The following MAGI1 variants were observed in gnomAD, a reference collection of about 807,000 sequenced individuals.
The protein encoded by MAGI1 is membrane associated guanylate kinase, WW and PDZ domain containing 1.
A neutral mutation model predicts 139.9 loss-of-function variants in MAGI1; 58 were observed. The ratio of observed to expected loss-of-function variants is 0.41; its 90% CI spans 0.34 to 0.52. The LOEUF is 0.52. MAGI1 is among the 20% of genes least tolerant of loss of function. MAGI1 has a pLI of 0.12. For missense variants in MAGI1, 1,874 were observed against 1,901.6 expected (o/e 0.99, Z 0.27); for synonymous variants, 812 against 737.9 (o/e 1.10, Z -1.63).
At chr3:65,851,202 G>C (rs2059190581) in intron 1 of MAGI1, among the ~76,000 whole-genome samples, 1 of 152,132 alleles carries the variant, frequency 6.6e-6, no homozygotes, top group Non-Finnish European at 1.5e-5. Context: ...TTGACTAAAT[G>C]AGTAATTAAA....
chr3:65,937,438 T>C (rs1188938780), intron 1 of MAGI1, among the ~76,000 whole-genome samples: 1 of 152,020 alleles, frequency 6.6e-6, no homozygotes, highest in Non-Finnish European at 1.5e-5. Context: ...GAAGTCAGGT[T>C]TTTCCTGGAG....
intron 3 of MAGI1, among the ~76,000 whole-genome samples, chr3:65,490,898 G>T (rs1308375035): frequency 6.7e-6 from 1 of 149,884 alleles, no homozygotes; most frequent in East Asian, 2.0e-4. Context: ...CATATGGTAA[G>T]GAAATTTCGC....
chr3:65,681,974 T>C (rs2087621185), intron 1 of MAGI1, among the ~76,000 whole-genome samples: 2 of 152,170 alleles, frequency 1.3e-5, no homozygotes, highest in African/African-American at 2.4e-5. Flanking sequence ...TAGCTAGGAT[T>C]ACACACACAT....
chr3:65,603,803 G>C (rs971533747), intron 2 of MAGI1, among the ~76,000 whole-genome samples: 1 of 152,164 alleles, frequency 6.6e-6, no homozygotes, highest in African/African-American at 2.4e-5. Context: ...TTGAGGGCCT[G>C]GTCTCTCCTT....
intron 3 of MAGI1, among the ~76,000 whole-genome samples, chr3:65,482,671 T>A (rs1012408410): frequency 3.0e-4 from 45 of 152,246 alleles, no homozygotes; most frequent in African/African-American, 1.1e-3. Flanking sequence ...TTATTTCCCG[T>A]ACTGAAACCT....
At chr3:65,684,904 G>A (rs2087895832) in intron 1 of MAGI1, among the ~76,000 whole-genome samples, 1 of 116,570 alleles carries the variant, frequency 8.6e-6, no homozygotes, top group Admixed American at 9.5e-5. Flanking sequence ...TTTTGGTAGA[G>A]ATGAGATTTT....
intron 1 of MAGI1, among the ~76,000 whole-genome samples, chr3:65,664,008 T>G (rs1255874736): frequency 6.6e-6 from 1 of 152,196 alleles, no homozygotes; most frequent in Admixed American, 6.5e-5. Flanking sequence ...TAAATCCTCA[T>G]GAAGAAATAA....
At chr3:65,780,902 C>G (rs536269990) in intron 1 of MAGI1, among the ~76,000 whole-genome samples, 3 of 152,326 alleles carry the variant, frequency 2.0e-5, no homozygotes, top group Non-Finnish European at 4.4e-5. Flanking sequence ...TTATGTTTCA[C>G]TACTTTGCAT....
intron 13 of MAGI1, among the ~76,000 whole-genome samples, chr3:65,395,876 G>C (rs532959680): frequency 1.3e-5 from 2 of 151,942 alleles, no homozygotes; most frequent in South Asian, 4.2e-4. Flanking sequence ...GTTTGGTGTC[G>C]CTACTGGGTG....
At chr3:65,897,173 T>C (rs964972624) in intron 1 of MAGI1, among the ~76,000 whole-genome samples, 8 of 152,232 alleles carry the variant, frequency 5.3e-5, no homozygotes, top group South Asian at 4.1e-4. Flanking sequence ...AAACTGGTTA[T>C]ATTTGATAGG....
intron 2 of MAGI1, among the ~76,000 whole-genome samples, chr3:65,572,736 A>T (rs1010758403): frequency 3.3e-5 from 5 of 152,038 alleles, no homozygotes; most frequent in African/African-American, 1.2e-4. Context: ...TTGTCCCATA[A>T]GTATTATTAT....
chr3:65,724,428 C>T (rs1441386099), intron 1 of MAGI1, among the ~76,000 whole-genome samples: 1 of 152,176 alleles, frequency 6.6e-6, no homozygotes, highest in Non-Finnish European at 1.5e-5. Flanking sequence ...ATAGTCATAA[C>T]TACAAAGTCT....
At chr3:65,645,722 T>C (rs1422237450) in intron 1 of MAGI1, among the ~76,000 whole-genome samples, 3 of 152,098 alleles carry the variant, frequency 2.0e-5, no homozygotes, top group East Asian at 1.9e-4. Context: ...AGGAAATATT[T>C]CAGACAATGA....
chr3:65,784,161 C>G (rs922348877), intron 1 of MAGI1, among the ~76,000 whole-genome samples: 2 of 151,894 alleles, frequency 1.3e-5, no homozygotes, highest in Non-Finnish European at 2.9e-5. Flanking sequence ...AATGAGCACA[C>G]AGAGAAATTG....
intron 1 of MAGI1, among the ~76,000 whole-genome samples, chr3:65,630,782 G>A (rs1212344670): frequency 6.6e-6 from 1 of 152,130 alleles, no homozygotes; most frequent in Non-Finnish European, 1.5e-5. Flanking sequence ...AGTGACATGT[G>A]CACTCAAATC....
At chr3:65,760,081 G>A (rs1165925283) in intron 1 of MAGI1, among the ~76,000 whole-genome samples, 1 of 151,950 alleles carries the variant, frequency 6.6e-6, no homozygotes, top group East Asian at 1.9e-4. Context: ...ATAGGGTCTG[G>A]AATACTGCAC....
intron 1 of MAGI1, among the ~76,000 whole-genome samples, chr3:65,784,606 G>A (rs1222861857): frequency 1.3e-5 from 2 of 152,188 alleles, no homozygotes; most frequent in Admixed American, 6.5e-5. Flanking sequence ...TCGGGAGGCT[G>A]AGGCAGGAGA....
chr3:65,999,971 G>GT (rs2066653898), intron 1 of MAGI1, among the ~76,000 whole-genome samples: 1 of 60,854 alleles, frequency 1.6e-5, no homozygotes. Flanking sequence ...TTCCCCCCAC[G>GT]CTTTTTTTTT....
chr3:65,861,184 C>T (rs2132254), intron 1 of MAGI1, among the ~76,000 whole-genome samples: 105,443 of 152,150 alleles, frequency 0.69, 38,671 homozygotes, highest in African/African-American at 0.92. Context: ...GGCAAGGAGC[C>T]GTATTCCTTA....
Sources: allele counts gnomAD v4.1 joint callset (sites outside exome capture counted in the v4.1 genomes callset), GRCh38; gene constraint gnomAD v4.1.1; transcripts MANE v1.5; gene names NCBI Gene and HGNC (gene_info 2026-07-23, HGNC 2026-07-21).